REV3L: variants seen among roughly 807,000 people sequenced by gnomAD.
REV3L encodes the protein DNA polymerase zeta catalytic subunit.
In REV3L, 69 loss-of-function variants were observed where a neutral mutation model predicts 299.4. That is an observed-to-expected ratio of 0.23 (90% CI 0.19 to 0.28). The LOEUF (loss-of-function observed/expected upper bound fraction) is 0.28, where lower values mean the gene tolerates loss of function less well. REV3L is among the 10% of genes least tolerant of loss of function. The pLI, the probability that REV3L is intolerant of heterozygous loss-of-function variation, is 1.00. For synonymous variants in REV3L, 1,238 were observed against 1,271.4 expected (o/e 0.97, Z 0.56); for missense variants, 3,128 against 3,693.8 (o/e 0.85, Z 3.97).
chr6:111,472,919 G>C (rs1246714470), intron 1 of REV3L, among the ~76,000 whole-genome samples: 1 of 152,144 alleles, frequency 6.6e-6, no homozygotes, highest in Non-Finnish European at 1.5e-5. Context: ...TGTTTGGACA[G>C]TAGACTGAGT....
intron 1 of REV3L, among the ~76,000 whole-genome samples, chr6:111,441,716 C>A (rs1788283648): frequency 6.6e-6 from 1 of 152,144 alleles, no homozygotes; most frequent in South Asian, 2.1e-4. Context: ...GTGTTAGAGG[C>A]TAATATTTTC....
intron 9 of REV3L, among the ~76,000 whole-genome samples, chr6:111,382,611 A>G (rs1308301779): frequency 6.6e-6 from 1 of 152,180 alleles, no homozygotes; most frequent in Non-Finnish European, 1.5e-5. Flanking sequence ...CAGCCTTACT[A>G]CTATGGGCTA....
chr6:111,461,389 T>A (rs1790758245), intron 1 of REV3L, among the ~76,000 whole-genome samples: 1 of 152,114 alleles, frequency 6.6e-6, no homozygotes, highest in South Asian at 2.1e-4. Flanking sequence ...AGCTGTACAA[T>A]GTATTTGTTT....
At chr6:111,431,623 C>A in intron 1 of REV3L, 1 of 783,608 alleles carries the variant, frequency 1.3e-6, no homozygotes, top group Non-Finnish European at 2.2e-6. Context: ...ACTTGCACAG[C>A]AAGTAACTAC....
At chr6:111,398,869 T>TA (rs1162090945) in intron 4 of REV3L, among the ~76,000 whole-genome samples, 50 of 152,208 alleles carry the variant, frequency 3.3e-4, no homozygotes, top group Non-Finnish European at 2.1e-4. Flanking sequence ...TAAATTTTTT[T>TA]ATCATACTGC....
chr6:111,366,610 CTA>C (rs1469526351), intron 14 of REV3L, among the ~76,000 whole-genome samples: 2 of 149,380 alleles, frequency 1.3e-5, no homozygotes, highest in Non-Finnish European at 3.0e-5. Flanking sequence ...TTGGTTTTAG[CTA>C]TAAGTTTACT....
chr6:111,434,348 C>T (rs1787293306), intron 1 of REV3L, among the ~76,000 whole-genome samples: 1 of 152,142 alleles, frequency 6.6e-6, no homozygotes, highest in Non-Finnish European at 1.5e-5. Flanking sequence ...GGCGTGGTGG[C>T]TCATGCCTGT....
At chr6:111,336,134 G>C (rs932293568) in intron 21 of REV3L, among the ~76,000 whole-genome samples, 29 of 151,696 alleles carry the variant, frequency 1.9e-4, no homozygotes, top group African/African-American at 6.0e-4. Context: ...TAATACATGG[G>C]TTAAACATAT....
intron 1 of REV3L, among the ~76,000 whole-genome samples, chr6:111,450,150 C>T (rs555178781): frequency 1.3e-5 from 2 of 151,960 alleles, no homozygotes; most frequent in Non-Finnish European, 2.9e-5. Context: ...TAGAAACCGT[C>T]CAAAATGAAG....
intron 1 of REV3L, among the ~76,000 whole-genome samples, chr6:111,422,324 T>C (rs1582927053): frequency 6.6e-6 from 1 of 151,940 alleles, no homozygotes; most frequent in Non-Finnish European, 1.5e-5. Flanking sequence ...GCTTATGCTA[T>C]AGACAGAGTT....
chr6:111,338,312 CTTT>C (rs144497761), intron 21 of REV3L, among the ~76,000 whole-genome samples: 2 of 47,910 alleles, frequency 4.2e-5, no homozygotes, highest in African/African-American at 2.6e-4. Flanking sequence ...GTCTAAAGTC[CTTT>C]TTTTTTTTTT....
chr6:111,416,305 T>G lies in REV3L; in HGVS notation c.307A>C (p.Lys103Gln). The change falls in exon 2 of 32, where the codon AAA (lysine) becomes CAA (glutamine). Residue 103 changes from lysine to glutamine, a missense_variant. This residue lies in a region of REV3L where 2,409 missense variants were observed against 2,611.8 expected (regional missense o/e 0.92). Coordinates refer to ENST00000368802, the MANE Select transcript of REV3L (RefSeq NM_001372078.1). ...NPSSTAQHVF[K>Q]VSLVSGMPFY... ...TACATTCCTGATACTAATGACACTT[T>G]GAACACATGCTGAGCAGTGGAAGAT... The G allele has an allele frequency of 6.2e-7, 1 of 1,612,548 alleles. No individual in the cohort carries two copies. Among genetic ancestry groups the G allele is most frequent in the Non-Finnish European group, 8.5e-7 (1 of 1,179,098 alleles).
chr6:111,304,748 A>G (rs183221239), intron 31 of REV3L, among the ~76,000 whole-genome samples: 204 of 151,538 alleles, frequency 1.3e-3, no homozygotes, highest in Middle Eastern at 3.4e-3. Context: ...GTGGTTTTTC[A>G]ACTTTTCCTC....
intron 1 of REV3L, among the ~76,000 whole-genome samples, chr6:111,427,640 A>C (rs1239950313): frequency 6.6e-6 from 1 of 152,208 alleles, no homozygotes; most frequent in Non-Finnish European, 1.5e-5. Flanking sequence ...TCTGTCCAGC[A>C]CCAAGCATGC....
In REV3L at chr6:111,357,640, C is replaced by T. The variant is rs530824705; in HGVS notation, c.7073-515G>A. 2.6e-5 allele frequency among the ~76,000 whole-genome samples: 4 copies of T among 151,960 alleles called. No homozygotes were observed. The East Asian group carries it at 5.8e-4, about 22-fold the overall frequency. ...TCCGGGAGGCAGAGCTTGCAGTGAGCGGAGATCGCACCACTGCACTCCAAC... is the reference window on the plus strand; with the variant it reads ...TCCGGGAGGCAGAGCTTGCAGTGAGTGGAGATCGCACCACTGCACTCCAAC... On this transcript the variant is annotated intron_variant, in intron 17 of 31. Transcript: ENST00000368802.
intron 16 of REV3L, among the ~76,000 whole-genome samples, chr6:111,361,123 C>G (rs1417569891): frequency 6.6e-6 from 1 of 151,812 alleles, no homozygotes; most frequent in African/African-American, 2.4e-5. Context: ...GTGGCTTATG[C>G]CTGTAATCCC....
chr6:111,475,749 T>C (rs924342693), intron 1 of REV3L, among the ~76,000 whole-genome samples: 1 of 152,204 alleles, frequency 6.6e-6, no homozygotes. Context: ...CTTTGTTTGA[T>C]TTTTTCCCCT....
chr6:111,330,885 T>C, intron 24 of REV3L: 1 of 639,426 alleles, frequency 1.6e-6, no homozygotes, highest in Non-Finnish European at 1.9e-6. Context: ...CCATGAACTC[T>C]TTGGTTAAAA....
intron 26 of REV3L, among the ~76,000 whole-genome samples, chr6:111,316,125 C>T (rs1480239863): frequency 6.6e-6 from 1 of 151,412 alleles, no homozygotes; most frequent in East Asian, 1.9e-4. Flanking sequence ...ATAATCCCAG[C>T]AACTTGGGAG....
Sources: allele counts gnomAD v4.1 joint callset (sites outside exome capture counted in the v4.1 genomes callset), GRCh38; gene constraint gnomAD v4.1.1; regional missense constraint gnomAD v4.1.1; transcripts MANE v1.5; gene names NCBI Gene and HGNC (gene_info 2026-07-23, HGNC 2026-07-21).